The following THSD4 variants were observed in gnomAD, a reference collection of about 807,000 sequenced individuals.
THSD4 encodes thrombospondin type-1 domain-containing protein 4.
A neutral mutation model predicts 119.0 loss-of-function variants in THSD4; 69 were observed. That is an observed-to-expected ratio of 0.58 (90% CI 0.48 to 0.71). THSD4 has a LOEUF of 0.71. THSD4 is among the 30% of genes least tolerant of loss of function. THSD4 has a pLI of 0.00. For synonymous variants in THSD4, 524 were observed against 540.4 expected, an observed-to-expected ratio of 0.97 and a Z score of 0.42; for missense variants, 1,393 against 1,391.1, an observed-to-expected ratio of 1.00 and a Z score of -0.02.
At chr15:71,358,204 A>C (rs1029295944) in intron 6 of THSD4, among the ~76,000 whole-genome samples, 1 of 152,194 alleles carries the variant, frequency 6.6e-6, no homozygotes, top group Admixed American at 6.5e-5. Flanking sequence ...ACCCCAGGGT[A>C]CGGCATCGGC....
In THSD4 at chr15:71,589,364, T is replaced by TTTATTTA. The variant is rs1555429826; in HGVS notation, c.1153-71164_1153-71163insATTTATT. Among the ~76,000 whole-genome samples, 410 of 131,386 alleles carry TTTATTTA rather than the reference T, an allele frequency of 3.1e-3. 34 individuals are homozygous for TTTATTTA. The highest frequency in any genetic ancestry group is 0.01 in the African/African-American group (397 of 38,638). 86.2% of individuals were successfully genotyped at this position (131,386 alleles called of 152,430 possible). A position where few individuals can be genotyped will look rare whatever the true frequency, so the allele number is the denominator to read the frequency against. On this transcript the variant is annotated intron_variant, in intron 7 of 17. Transcript: ENST00000261862. ...ATATAAATTATTTATTTATTTATTT[T>TTTATTTA]TTTATTTATTGGAGACAGAGTCTCA...
At position 71,416,677 on chromosome 15, in the gene THSD4, A is replaced by ATTTAT. The variant is rs1322468576; in HGVS notation, c.1152+4863_1152+4867dup. Among the ~76,000 whole-genome samples the ATTTAT allele has an allele frequency of 3.8e-5, 4 of 105,004 alleles. 1 individual carries two copies. Among genetic ancestry groups the ATTTAT allele is most frequent in the African/African-American group, 6.6e-5 (2 of 30,126 alleles). The allele number at this position is 105,004 out of a possible 152,430, so 68.9% of individuals were successfully genotyped here. A position where few individuals can be genotyped will look rare whatever the true frequency, so the allele number is the denominator to read the frequency against. ...TTTATTGAAATCGCTTGCCCATTTTATTTATTTTATTTTGTTTCATTTTAT... is the reference window on the plus strand; with the variant it reads ...TTTATTGAAATCGCTTGCCCATTTTATTTATTTTATTTTATTTTGTTTCATTTTAT... On this transcript the variant is annotated intron_variant, in intron 7 of 17. Coordinates refer to ENST00000261862, the MANE Select transcript of THSD4 (RefSeq NM_024817.3).
intron 8 of THSD4, among the ~76,000 whole-genome samples, chr15:71,724,282 T>TAC (rs2052781996): frequency 1.9e-5 from 1 of 53,420 alleles, no homozygotes; most frequent in Non-Finnish European, 4.8e-5. Context: ...TATATATATA[T>TAC]ATATATTTTT....
At chr15:71,405,687 TAAGA>T (rs1372647334) in intron 6 of THSD4, among the ~76,000 whole-genome samples, 1 of 152,180 alleles carries the variant, frequency 6.6e-6, no homozygotes, top group Non-Finnish European at 1.5e-5. Flanking sequence ...TTCAGAAAAA[TAAGA>T]GGGCATTTGG....
chr15:71,324,235 C>T (rs2045312108), intron 6 of THSD4, among the ~76,000 whole-genome samples: 1 of 151,744 alleles, frequency 6.6e-6, no homozygotes, highest in African/African-American at 2.4e-5. Context: ...GGCCCTTTGA[C>T]AACGCATGCA....
chr15:71,699,141 T>C (rs1051581917), intron 8 of THSD4, among the ~76,000 whole-genome samples: 3 of 152,132 alleles, frequency 2.0e-5, no homozygotes, highest in African/African-American at 4.8e-5. Flanking sequence ...GTAATGTGTT[T>C]ATGGCATAGA....
chr15:71,737,110 A>G (rs2053128987), intron 10 of THSD4, among the ~76,000 whole-genome samples: 2 of 152,328 alleles, frequency 1.3e-5, no homozygotes, highest in Admixed American at 6.5e-5. Context: ...ACTGGTGAAC[A>G]TTTGTGTCTG....
chr15:71,567,477 A>G (rs2140892775), intron 7 of THSD4, among the ~76,000 whole-genome samples: 1 of 152,334 alleles, frequency 6.6e-6, no homozygotes, highest in South Asian at 2.1e-4. Context: ...TTACCCAGCA[A>G]TGAAGCAAGG....
At chr15:71,521,418 T>G (rs1356542230) in intron 7 of THSD4, among the ~76,000 whole-genome samples, 1 of 152,230 alleles carries the variant, frequency 6.6e-6, no homozygotes, top group Admixed American at 6.5e-5. Flanking sequence ...ATTTCATCCC[T>G]TTAAAAAATA....
intron 1 of THSD4, among the ~76,000 whole-genome samples, chr15:71,129,010 A>G (rs1461206891): frequency 6.6e-6 from 1 of 152,196 alleles, no homozygotes; most frequent in African/African-American, 2.4e-5. Context: ...AAGAAAGTAC[A>G]TGAGAGATAG....
intron 6 of THSD4, among the ~76,000 whole-genome samples, chr15:71,383,013 A>T (rs1377265851): frequency 6.6e-6 from 1 of 152,226 alleles, no homozygotes; most frequent in Non-Finnish European, 1.5e-5. Context: ...AGTTTATCCC[A>T]TCCTAACAAG....
intron 6 of THSD4, among the ~76,000 whole-genome samples, chr15:71,303,765 A>G (rs2044984380): frequency 6.6e-6 from 1 of 152,066 alleles, no homozygotes; most frequent in Non-Finnish European, 1.5e-5. Context: ...GTCATAGCCT[A>G]TTGTAGTGAC....
chr15:71,737,589 C>T (rs1319249557), intron 10 of THSD4, 143 bp from the exon 11 acceptor site: 2 of 1,177,450 alleles, frequency 1.7e-6, no homozygotes, highest in African/African-American at 3.1e-5. Context: ...TAGGTGTCTG[C>T]TTATTTTAAA....
intron 7 of THSD4, among the ~76,000 whole-genome samples, chr15:71,652,671 A>G (rs17735225): frequency 0.37 from 55,666 of 151,966 alleles, 11,190 homozygotes; most frequent in East Asian, 0.9. Context: ...GCTGCAGTTG[A>G]TTCTTACCCA....
intron 6 of THSD4, among the ~76,000 whole-genome samples, chr15:71,363,321 A>G (rs552501823): frequency 6.6e-6 from 1 of 152,338 alleles, no homozygotes; most frequent in South Asian, 2.1e-4. Flanking sequence ...GATTGGGCCC[A>G]AGGGCCATAG....
At chr15:71,433,873 A>G (rs1566980978) in intron 7 of THSD4, among the ~76,000 whole-genome samples, 1 of 152,150 alleles carries the variant, frequency 6.6e-6, no homozygotes, top group Non-Finnish European at 1.5e-5. Context: ...CTCAAAATCC[A>G]GAGGCTCAAA....
chr15:71,268,923 A>G (rs189640588), intron 6 of THSD4, among the ~76,000 whole-genome samples: 16 of 152,346 alleles, frequency 1.1e-4, no homozygotes, highest in African/African-American at 3.4e-4. Context: ...GAAGAAGTCG[A>G]ATCCCTGAAT....
chr15:71,393,262 G>A (rs1011101870), intron 6 of THSD4, among the ~76,000 whole-genome samples: 9 of 151,866 alleles, frequency 5.9e-5, no homozygotes, highest in South Asian at 2.1e-4. Flanking sequence ...TGGACAGAAC[G>A]TGTTCTGCCT....
intron 6 of THSD4, among the ~76,000 whole-genome samples, chr15:71,302,735 C>T (rs889870728): frequency 1.3e-5 from 2 of 152,066 alleles, no homozygotes; most frequent in Admixed American, 6.5e-5. Context: ...GGGGCAGTGG[C>T]ATGTCATGAT....
Sources: allele counts gnomAD v4.1 joint callset (sites outside exome capture counted in the v4.1 genomes callset), GRCh38; gene constraint gnomAD v4.1.1; transcripts MANE v1.5; gene names NCBI Gene and HGNC (gene_info 2026-07-23, HGNC 2026-07-21).